Variants in TBXAS1 observed in about 807,000 individuals in gnomAD.
TBXAS1 encodes the protein thromboxane A synthase 1.
Under a neutral mutation model 60.7 loss-of-function variants are expected in TBXAS1, and 48 were observed. The observed-to-expected ratio is 0.79, with a 90% confidence interval of 0.63 to 1.01. TBXAS1 has a LOEUF of 1.01. Among genes scored for constraint, TBXAS1 ranks in the 50% least tolerant of loss-of-function variants. The pLI is 0.00. For synonymous variants in TBXAS1, 287 were observed against 269.7 expected, an observed-to-expected ratio of 1.06 and a Z score of -0.63; for missense variants, 685 against 686.3, an observed-to-expected ratio of 1.00 and a Z score of 0.02.
chr7:139,784,598 C>G (rs1401593142), intron 3 of TBXAS1, among the ~76,000 whole-genome samples: 4 of 152,158 alleles, frequency 2.6e-5, no homozygotes, highest in Non-Finnish European at 5.9e-5. Flanking sequence ...ATATGAATGT[C>G]TAGGATATGT....
At chr7:139,945,330 G>T (rs764505441) in intron 5 of TBXAS1, among the ~76,000 whole-genome samples, 2 of 152,218 alleles carry the variant, frequency 1.3e-5, no homozygotes, top group African/African-American at 2.4e-5. Flanking sequence ...TTCATTTAGG[G>T]ATGAGGACCC....
intron 5 of TBXAS1, among the ~76,000 whole-genome samples, chr7:139,949,762 A>G (rs2190087): frequency 0.81 from 122,763 of 152,214 alleles, 50,109 homozygotes; most frequent in African/African-American, 0.94. Flanking sequence ...TTCTGTTTCT[A>G]CAAATCATTT....
intron 1 of TBXAS1, among the ~76,000 whole-genome samples, chr7:139,867,066 C>G (rs1268515829): frequency 6.6e-6 from 1 of 152,222 alleles, no homozygotes; most frequent in Non-Finnish European, 1.5e-5. Flanking sequence ...GAATTGCTGG[C>G]AAAGCCCATG....
At chr7:139,780,240 G>GC (rs1796940359) in intron 1 of TBXAS1, among the ~76,000 whole-genome samples, 2 of 152,310 alleles carry the variant, frequency 1.3e-5, no homozygotes. Context: ...ATGTCTCTCT[G>GC]CCCCTTTCTA....
At chr7:139,955,339 C>A in intron 6 of TBXAS1, 120 bp from the exon 7 acceptor site, 1 of 1,311,730 alleles carries the variant, frequency 7.6e-7, no homozygotes, top group Non-Finnish European at 1.1e-6. Context: ...CTCTTCCAGA[C>A]ACATCTGCAG....
intron 4 of TBXAS1, among the ~76,000 whole-genome samples, chr7:139,933,818 T>C (rs1213699995): frequency 1.4e-5 from 2 of 147,014 alleles, no homozygotes; most frequent in Non-Finnish European, 3.0e-5. Flanking sequence ...CATGTGGTTC[T>C]GAGACTGCTT....
intron 8 of TBXAS1, among the ~76,000 whole-genome samples, chr7:139,960,188 G>C (rs1328842741): frequency 1.3e-5 from 2 of 152,162 alleles, no homozygotes; most frequent in African/African-American, 4.8e-5. Context: ...AGCACTGCTA[G>C]GATCCCAGTA....
intron 3 of TBXAS1, among the ~76,000 whole-genome samples, chr7:139,893,928 C>T (rs936010839): frequency 1.3e-5 from 2 of 152,164 alleles, no homozygotes; most frequent in Non-Finnish European, 2.9e-5. Context: ...CCAGTTCTCT[C>T]CTTTAGCCAT....
At chr7:139,978,507 C>G (rs2117489450) in intron 9 of TBXAS1, among the ~76,000 whole-genome samples, 1 of 148,188 alleles carries the variant, frequency 6.7e-6, no homozygotes, top group East Asian at 2.0e-4. Flanking sequence ...GAGACTCTGT[C>G]TCAAAAAAAA....
chr7:139,926,196 C>G (rs1806865870), intron 4 of TBXAS1, among the ~76,000 whole-genome samples: 1 of 152,052 alleles, frequency 6.6e-6, no homozygotes, highest in African/African-American at 2.4e-5. Flanking sequence ...CTTCTCCTCT[C>G]TTTTTTGGAA....
At chr7:139,961,786 G>A in intron 8 of TBXAS1, 133 bp from the exon 9 acceptor site, 1 of 1,115,344 alleles carries the variant, frequency 9.0e-7, no homozygotes, top group South Asian at 1.4e-5. Flanking sequence ...AGATAACCCA[G>A]CAATGAGGAA....
At chr7:139,933,043 C>G (rs1253643685) in intron 4 of TBXAS1, among the ~76,000 whole-genome samples, 1 of 152,076 alleles carries the variant, frequency 6.6e-6, no homozygotes, top group Non-Finnish European at 1.5e-5. Flanking sequence ...GGTGACAGAG[C>G]AAGACCCTGT....
In TBXAS1 at chr7:139,870,147, A is replaced by G. The variant is rs1298414508; in HGVS notation, c.90-2088A>G. 2.0e-5 allele frequency among the ~76,000 whole-genome samples: 3 copies of G among 152,104 alleles called. 1 individual carries two copies. The East Asian group carries it at 5.8e-4, about 29-fold the overall frequency. Reference sequence around the variant, plus strand: ...GGAAGTTTGTGGTGGTGTCCAGGACACTCTGCTGATGCCATGTGTTTGAAA... The same window carrying G: ...GGAAGTTTGTGGTGGTGTCCAGGACGCTCTGCTGATGCCATGTGTTTGAAA... On this transcript the variant is annotated intron_variant, in intron 1 of 12. Transcript: ENST00000448866.
rs1804119630 is a variant in TBXAS1 at position 139,896,655 on chromosome 7, G to A, written c.237-14570G>A. ...CTAGAACATGTATACTTATAAAGTT[G>A]TTTGAACTTATCTACTTAGAAATGA... On this transcript the variant is annotated intron_variant, in intron 3 of 12. Transcript: ENST00000448866. This position sits in a 1 kb window ranked among gnomAD's most constrained non-coding sequence, Gnocchi z 4.0. 6.6e-6 allele frequency among the ~76,000 whole-genome samples: 1 copy of A among 152,172 alleles called. No homozygotes were observed. The highest frequency in any genetic ancestry group is 2.4e-5 in the African/African-American group (1 of 41,428).
intron 10 of TBXAS1, among the ~76,000 whole-genome samples, chr7:140,009,619 GCCCCACACCTGCCCCACACCCA>G (rs1386901909): frequency 2.2e-4 from 3 of 13,648 alleles, no homozygotes; most frequent in East Asian, 5.7e-3. Context: ...CCCCACACCC[GCCCCACACCTGCCCCACACCCA>G]CCCCACACCT....
At chr7:139,966,250 T>C (rs773914097) in intron 9 of TBXAS1, among the ~76,000 whole-genome samples, 6 of 152,208 alleles carry the variant, frequency 3.9e-5, no homozygotes, top group Non-Finnish European at 8.8e-5. Flanking sequence ...ATTTCTTTCA[T>C]AGCAATGCAC....
At chr7:139,943,886 C>A (rs750540697) in intron 5 of TBXAS1, among the ~76,000 whole-genome samples, 22 of 152,140 alleles carry the variant, frequency 1.4e-4, no homozygotes, top group East Asian at 1.2e-3. Flanking sequence ...TAAAAAAAAA[C>A]CCAGAAATAC....
At chr7:140,018,564 C>T (rs368314851) in intron 12 of TBXAS1, among the ~76,000 whole-genome samples, 25 of 152,274 alleles carry the variant, frequency 1.6e-4, no homozygotes, top group South Asian at 4.2e-4. Context: ...ATCTCCCCCC[C>T]ACATCACACA....
chr7:139,921,865 G>A lies in TBXAS1; in HGVS notation c.333+10544G>A, dbSNP rs74990610. Among the ~76,000 whole-genome samples the A allele has an allele frequency of 7.9e-4, 120 of 152,248 alleles. No individual in the cohort carries two copies. The Middle Eastern group carries it at 0.017, about 22-fold the overall frequency. On this transcript the variant is annotated intron_variant, in intron 4 of 12. Transcript: ENST00000448866. Reference sequence around the variant, plus strand: ...CCTAGGAGCAGCATCGCTAGCCCACGAGAGTAGGTGCATGGTGGGTTTTTG... The same window carrying A: ...CCTAGGAGCAGCATCGCTAGCCCACAAGAGTAGGTGCATGGTGGGTTTTTG...
Sources: gnomAD v4.1 joint callset for allele counts (sites outside exome capture counted in the v4.1 genomes callset) on GRCh38, gnomAD v4.1.1 for gene constraint, Gnocchi (gnomAD v3.1) non-coding constraint, MANE v1.5 for transcripts, NCBI Gene and HGNC (gene_info 2026-07-23, HGNC 2026-07-21) for gene names.